The following SGMS1 variants were observed in gnomAD, a reference collection of about 807,000 sequenced individuals.
The protein encoded by SGMS1 is sphingomyelin synthase 1, also known as phosphatidylcholine:ceramide cholinephosphotransferase 1.
In SGMS1, 13 loss-of-function variants were observed where a neutral mutation model predicts 46.2. That is an observed-to-expected ratio of 0.28 (90% CI 0.18 to 0.45). SGMS1 has a LOEUF of 0.45. Ranked by LOEUF, SGMS1 falls within the 20% of genes least tolerant of loss-of-function variation. SGMS1 has a pLI of 1.00. For missense variants in SGMS1, 324 were observed against 519.9 expected (o/e 0.62, Z 3.66); for synonymous variants, 203 against 187.8 (o/e 1.08, Z -0.66).
At chr10:50,381,475 A>T (rs1317565610) in intron 6 of SGMS1, among the ~76,000 whole-genome samples, 4 of 152,142 alleles carry the variant, frequency 2.6e-5, no homozygotes, top group African/African-American at 9.7e-5. Context: ...AGAAAAAAAA[A>T]TCCTTTCGTG....
At chr10:50,596,470 G>A (rs1281228961) in intron 1 of SGMS1, among the ~76,000 whole-genome samples, 2 of 152,178 alleles carry the variant, frequency 1.3e-5, no homozygotes, top group African/African-American at 2.4e-5. Context: ...GAGCCACCAC[G>A]CCCAGCCCAA....
intron 5 of SGMS1, among the ~76,000 whole-genome samples, chr10:50,434,776 T>C (rs1249839860): frequency 7.4e-5 from 11 of 147,912 alleles, no homozygotes; most frequent in African/African-American, 2.7e-4. Flanking sequence ...TCCCAGCTAC[T>C]CAGGAGGCTG....
intron 3 of SGMS1, among the ~76,000 whole-genome samples, chr10:50,468,425 C>T (rs1257953823): frequency 6.6e-6 from 1 of 152,148 alleles, no homozygotes; most frequent in Admixed American, 6.5e-5. Context: ...TTCTGAATTA[C>T]CAGAAAGTGA....
chr10:50,519,283 T>C (rs1156938334), intron 3 of SGMS1, among the ~76,000 whole-genome samples: 2 of 152,224 alleles, frequency 1.3e-5, no homozygotes, highest in Non-Finnish European at 2.9e-5. Flanking sequence ...TTCGTTCATC[T>C]AACTTTTACG....
intron 5 of SGMS1, among the ~76,000 whole-genome samples, chr10:50,443,285 G>A (rs369181303): frequency 6.6e-6 from 1 of 152,000 alleles, no homozygotes; most frequent in Non-Finnish European, 1.5e-5. Flanking sequence ...ACTAAGTGAC[G>A]GGGCTCAATT....
intron 8 of SGMS1, among the ~76,000 whole-genome samples, chr10:50,315,505 C>T (rs908551746): frequency 4.6e-5 from 7 of 152,182 alleles, no homozygotes; most frequent in African/African-American, 1.7e-4. Flanking sequence ...AAACAGGAAA[C>T]TCTGGACTGG....
At chr10:50,354,671 A>G (rs1197505330) in intron 6 of SGMS1, among the ~76,000 whole-genome samples, 1 of 152,218 alleles carries the variant, frequency 6.6e-6, no homozygotes. Flanking sequence ...AGAATGGGAG[A>G]AAAGTTTTGC....
chr10:50,344,610 C>T (rs1847884117), intron 6 of SGMS1, among the ~76,000 whole-genome samples: 1 of 152,152 alleles, frequency 6.6e-6, no homozygotes, highest in South Asian at 2.1e-4. Flanking sequence ...TGGCTCACGC[C>T]TGTAATCCCA....
intron 6 of SGMS1, among the ~76,000 whole-genome samples, chr10:50,392,468 C>T (rs535069708): frequency 2.0e-5 from 3 of 152,248 alleles, no homozygotes; most frequent in South Asian, 2.1e-4. Flanking sequence ...TGTACAAGGT[C>T]GCGAGGTAGC....
intron 2 of SGMS1, among the ~76,000 whole-genome samples, chr10:50,578,586 G>A (rs11006193): frequency 0.13 from 19,627 of 152,188 alleles, 1,662 homozygotes; most frequent in Non-Finnish European, 0.19. Context: ...GATCTCTGCT[G>A]AGACCATCTA....
intron 2 of SGMS1, among the ~76,000 whole-genome samples, chr10:50,573,433 T>C (rs551721237): frequency 6.6e-6 from 1 of 152,296 alleles, no homozygotes; most frequent in East Asian, 1.9e-4. Context: ...ACAACTCATT[T>C]ACAGTAGCAC....
chr10:50,620,310 T>C (rs1838837467), intron 1 of SGMS1, among the ~76,000 whole-genome samples: 1 of 152,232 alleles, frequency 6.6e-6, no homozygotes, highest in South Asian at 2.1e-4. Context: ...GCCATTTATA[T>C]TCCTGACCAA....
chr10:50,338,648 A>T (rs983646060), intron 7 of SGMS1, among the ~76,000 whole-genome samples: 3 of 152,200 alleles, frequency 2.0e-5, no homozygotes, highest in African/African-American at 7.2e-5. Flanking sequence ...GAAAGAGTTC[A>T]GCCCTTCTCA....
At chr10:50,514,303 G>T (rs975232492) in intron 3 of SGMS1, among the ~76,000 whole-genome samples, 1 of 152,138 alleles carries the variant, frequency 6.6e-6, no homozygotes, top group Non-Finnish European at 1.5e-5. Context: ...CTTTGAGATT[G>T]TTAAATATCC....
At chr10:50,572,667 C>G (rs562257640) in intron 2 of SGMS1, among the ~76,000 whole-genome samples, 1 of 152,126 alleles carries the variant, frequency 6.6e-6, no homozygotes, top group South Asian at 2.1e-4. Context: ...ATGCCTTTGC[C>G]AAAATAAATA....
intron 5 of SGMS1, among the ~76,000 whole-genome samples, chr10:50,442,100 G>A (rs61856794): frequency 0.17 from 26,180 of 151,194 alleles, 2,571 homozygotes; most frequent in Admixed American, 0.23. Context: ...TGTGCAGAAC[G>A]CATGGGTTTG....
intron 6 of SGMS1, among the ~76,000 whole-genome samples, chr10:50,428,860 C>T (rs144322493): frequency 6.6e-6 from 1 of 152,260 alleles, no homozygotes; most frequent in African/African-American, 2.4e-5. Context: ...CTAATAAACC[C>T]ATCATCAAAA....
At chr10:50,528,630 A>G (rs1837925692) in intron 2 of SGMS1, among the ~76,000 whole-genome samples, 1 of 152,206 alleles carries the variant, frequency 6.6e-6, no homozygotes, top group Admixed American at 6.5e-5. Flanking sequence ...GCTGGGTGGT[A>G]GCTCACACCT....
At chr10:50,605,704 AC>A (rs1838688359) in intron 1 of SGMS1, among the ~76,000 whole-genome samples, 1 of 152,166 alleles carries the variant, frequency 6.6e-6, no homozygotes, top group African/African-American at 2.4e-5. Context: ...GTGATAAGGC[AC>A]CCTCTAATAA....
Sources: gnomAD v4.1 joint callset for allele counts (sites outside exome capture counted in the v4.1 genomes callset) on GRCh38, gnomAD v4.1.1 for gene constraint, MANE v1.5 for transcripts, NCBI Gene and HGNC (gene_info 2026-07-23, HGNC 2026-07-21) for gene names.